The following MSRA variants were observed in gnomAD, a reference collection of about 807,000 sequenced individuals.
MSRA encodes the protein mitochondrial peptide methionine sulfoxide reductase.
MSRA carries 54 observed loss-of-function variants against 31.3 expected under a neutral mutation model. That is an observed-to-expected ratio of 1.73 (90% CI 1.39 to 2.17). MSRA has a LOEUF of 2.17. MSRA is among the 30% of genes most tolerant of loss of function. The pLI, the probability that MSRA is intolerant of heterozygous loss-of-function variation, is 0.00. For missense variants in MSRA, 507 were observed against 300.9 expected, an observed-to-expected ratio of 1.69 and a Z score of -5.07; for synonymous variants, 169 against 116.5, an observed-to-expected ratio of 1.45 and a Z score of -2.90.
intron 2 of MSRA, among the ~76,000 whole-genome samples, chr8:10,213,500 G>C (rs1294021427): frequency 7.3e-6 from 1 of 137,260 alleles, no homozygotes; most frequent in African/African-American, 2.8e-5. Context: ...GCAGTGACGC[G>C]ACCTCGGCTC....
intron 3 of MSRA, among the ~76,000 whole-genome samples, chr8:10,297,647 T>C (rs1201337022): frequency 1.3e-5 from 2 of 152,198 alleles, no homozygotes; most frequent in African/African-American, 4.8e-5. Flanking sequence ...TCTTTTACTT[T>C]GGAGAAATAA....
intron 1 of MSRA, among the ~76,000 whole-genome samples, chr8:10,080,303 GA>G (rs1196616040): frequency 6.6e-6 from 1 of 151,618 alleles, no homozygotes; most frequent in Non-Finnish European, 1.5e-5. Context: ...GCTTCTTGCA[GA>G]TTTTTTTTAA....
chr8:10,318,643 C>T (rs1306707888), intron 4 of MSRA, among the ~76,000 whole-genome samples: 1 of 152,208 alleles, frequency 6.6e-6, no homozygotes, highest in Non-Finnish European at 1.5e-5. Flanking sequence ...CAATTTATGA[C>T]AGTCAAATAT....
intron 1 of MSRA, among the ~76,000 whole-genome samples, chr8:10,116,906 C>G (rs146411931): frequency 6.6e-6 from 1 of 152,076 alleles, no homozygotes; most frequent in Non-Finnish European, 1.5e-5. Flanking sequence ...GTGGAGGTTG[C>G]GGTGAGCCAA....
chr8:10,220,457 T>C (rs1810391114), intron 2 of MSRA, among the ~76,000 whole-genome samples: 1 of 152,222 alleles, frequency 6.6e-6, no homozygotes, highest in Non-Finnish European at 1.5e-5. Flanking sequence ...ATAAGCTGAG[T>C]GAACACATAG....
At chr8:10,181,895 T>G (rs903373925) in intron 1 of MSRA, among the ~76,000 whole-genome samples, 1 of 152,174 alleles carries the variant, frequency 6.6e-6, no homozygotes, top group African/African-American at 2.4e-5. Flanking sequence ...CCAAGTGCCT[T>G]GGCTCAACTT....
intron 1 of MSRA, among the ~76,000 whole-genome samples, chr8:10,130,600 C>G (rs1367088540): frequency 6.6e-6 from 1 of 152,138 alleles, no homozygotes; most frequent in African/African-American, 2.4e-5. Flanking sequence ...AAAAAATAAT[C>G]TTGGCGTCAC....
At chr8:10,345,175 A>T (rs943035456) in intron 5 of MSRA, among the ~76,000 whole-genome samples, 2 of 152,222 alleles carry the variant, frequency 1.3e-5, no homozygotes, top group African/African-American at 4.8e-5. Flanking sequence ...TTCCTTGGCT[A>T]AAACAAGTCA....
intron 1 of MSRA, among the ~76,000 whole-genome samples, chr8:10,086,774 A>G (rs1163278282): frequency 1.3e-5 from 2 of 151,994 alleles, no homozygotes; most frequent in Non-Finnish European, 2.9e-5. Flanking sequence ...GAATGCAAGT[A>G]ATGACTATGT....
intron 3 of MSRA, among the ~76,000 whole-genome samples, chr8:10,283,622 C>A (rs1342760380): frequency 2.0e-5 from 3 of 151,284 alleles, no homozygotes; most frequent in Non-Finnish European, 4.4e-5. Flanking sequence ...CCCCAAAAGT[C>A]CATTTTGTCA....
At position 10,326,772 on chromosome 8, in the gene MSRA, ATTGTTT is replaced by A. The variant is rs372758965; in HGVS notation, c.543+6787_543+6792del. On this transcript the variant is annotated intron_variant, in intron 5 of 5. Coordinates refer to ENST00000317173, the MANE Select transcript of MSRA (RefSeq NM_012331.5). ...ATTGCAAGACATCATCTAATGTATT[ATTGTTT>A]TTGGATTGTCAAATATGGACAATTT... Among the ~76,000 whole-genome samples, 391 of 152,260 alleles carry A rather than the reference ATTGTTT, an allele frequency of 2.6e-3. 2 individuals are homozygous for A. The highest frequency in any genetic ancestry group is 0.017 in the South Asian group (80 of 4,822).
chr8:10,057,941 T>G (rs1034175519), intron 1 of MSRA, among the ~76,000 whole-genome samples: 1 of 152,242 alleles, frequency 6.6e-6, no homozygotes. Context: ...ATGTGGAACT[T>G]GTTTTTGCGT....
intron 1 of MSRA, among the ~76,000 whole-genome samples, chr8:10,177,970 C>G (rs1806201318): frequency 6.6e-6 from 1 of 152,190 alleles, no homozygotes; most frequent in Non-Finnish European, 1.5e-5. Flanking sequence ...TGAACCAGGT[C>G]AAGAACCTGT....
chr8:10,141,881 A>C (rs1027346194), intron 1 of MSRA, among the ~76,000 whole-genome samples: 8 of 152,172 alleles, frequency 5.3e-5, no homozygotes, highest in Non-Finnish European at 1.2e-4. Context: ...GGTAGTAGGC[A>C]CTCAGTCAAT....
chr8:10,269,997 A>G (rs1798946467), intron 3 of MSRA, among the ~76,000 whole-genome samples: 1 of 152,180 alleles, frequency 6.6e-6, no homozygotes, highest in Non-Finnish European at 1.5e-5. Flanking sequence ...GATCTCATCT[A>G]CCTTGAAGGG....
intron 5 of MSRA, among the ~76,000 whole-genome samples, chr8:10,340,141 C>G (rs1019213458): frequency 5.9e-5 from 9 of 152,252 alleles, no homozygotes; most frequent in Admixed American, 5.9e-4. Flanking sequence ...CTTGAGACCA[C>G]GGAGCCACAG....
chr8:10,074,845 G>A (rs1263071961), intron 1 of MSRA, among the ~76,000 whole-genome samples: 1 of 152,074 alleles, frequency 6.6e-6, no homozygotes, highest in Non-Finnish European at 1.5e-5. Flanking sequence ...ATTACCCAGA[G>A]ACGGGGGTTC....
At chr8:10,054,921 C>A (rs937779323) in intron 1 of MSRA, among the ~76,000 whole-genome samples, 1 of 152,212 alleles carries the variant, frequency 6.6e-6, no homozygotes. Flanking sequence ...ATCGGTCTCA[C>A]TTACCCGGAG....
intron 5 of MSRA, among the ~76,000 whole-genome samples, chr8:10,364,056 G>A (rs1332831764): frequency 3.3e-5 from 5 of 151,954 alleles, no homozygotes; most frequent in Admixed American, 3.3e-4. Context: ...CAGAGAAAAC[G>A]GTCCACACAC....
Sources: gnomAD v4.1 joint callset for allele counts (sites outside exome capture counted in the v4.1 genomes callset) on GRCh38, gnomAD v4.1.1 for gene constraint, MANE v1.5 for transcripts, NCBI Gene and HGNC (gene_info 2026-07-23, HGNC 2026-07-21) for gene names.